GPC6: variants seen among roughly 807,000 people sequenced by gnomAD.
GPC6 encodes the protein glypican 6, also known as glypican-6.
Under a neutral mutation model 55.2 loss-of-function variants are expected in GPC6, and 14 were observed. That is an observed-to-expected ratio of 0.25 (90% CI 0.17 to 0.40). The LOEUF (loss-of-function observed/expected upper bound fraction) is 0.40, where lower values mean the gene tolerates loss of function less well. Ranked by LOEUF, GPC6 falls within the 10% of genes least tolerant of loss-of-function variation. The probability of loss-of-function intolerance (pLI) is 1.00; values close to 1 mark genes in which losing one functional copy is unlikely to be tolerated. For synonymous variants in GPC6, 278 were observed against 259.6 expected, an observed-to-expected ratio of 1.07 and a Z score of -0.68; for missense variants, 641 against 708.5, an observed-to-expected ratio of 0.90 and a Z score of 1.08.
chr13:93,346,013 T>C (rs559989656), intron 1 of GPC6, among the ~76,000 whole-genome samples: 14 of 152,294 alleles, frequency 9.2e-5, no homozygotes, highest in African/African-American at 3.4e-4. Flanking sequence ...GTAGTTAATC[T>C]CTTTATTGAA....
chr13:93,983,784 T>TA (rs35261105), intron 3 of GPC6, among the ~76,000 whole-genome samples: 96,293 of 144,720 alleles, frequency 0.67, 31,900 homozygotes, highest in Non-Finnish European at 0.69. Flanking sequence ...ATATTTTTGT[T>TA]AAAAAAAAAA....
At chr13:93,265,770 A>G (rs1438135704) in intron 1 of GPC6, among the ~76,000 whole-genome samples, 1 of 151,558 alleles carries the variant, frequency 6.6e-6, no homozygotes, top group African/African-American at 2.4e-5. Context: ...TTACATTTTT[A>G]GGCATTTTTC....
chr13:93,815,940 T>G (rs1886834538), intron 2 of GPC6, among the ~76,000 whole-genome samples: 1 of 152,084 alleles, frequency 6.6e-6, no homozygotes, highest in Admixed American at 6.5e-5. Context: ...AAGAACCAAG[T>G]GTATGGTAAG....
At chr13:93,397,503 T>C (rs528283184) in intron 1 of GPC6, among the ~76,000 whole-genome samples, 2 of 152,356 alleles carry the variant, frequency 1.3e-5, no homozygotes, top group Admixed American at 6.5e-5. Flanking sequence ...CAGGGTTGTT[T>C]ACTTTTAAGG....
chr13:94,312,716 G>GCA (rs1227227600), intron 6 of GPC6, among the ~76,000 whole-genome samples: 1 of 112,102 alleles, frequency 8.9e-6, no homozygotes, highest in East Asian at 2.4e-4. Context: ...ACGCACACGC[G>GCA]CACGCACACA....
chr13:93,549,625 C>G (rs989743904), intron 2 of GPC6, among the ~76,000 whole-genome samples: 28 of 152,280 alleles, frequency 1.8e-4, no homozygotes, highest in African/African-American at 6.7e-4. Context: ...CCAGTGCTTT[C>G]CAGTTCCCAG....
intron 2 of GPC6, among the ~76,000 whole-genome samples, chr13:93,670,779 A>T (rs1006563467): frequency 1.3e-5 from 2 of 152,214 alleles, no homozygotes; most frequent in Non-Finnish European, 2.9e-5. Flanking sequence ...GGTCACCTTT[A>T]AAAGGACTAA....
At chr13:93,345,645 C>T (rs1287552590) in intron 1 of GPC6, among the ~76,000 whole-genome samples, 1 of 152,142 alleles carries the variant, frequency 6.6e-6, no homozygotes, top group Admixed American at 6.6e-5. Context: ...TACACCCACA[C>T]AAAAATAAAA....
At chr13:93,458,274 T>C (rs764343243) in intron 1 of GPC6, among the ~76,000 whole-genome samples, 3 of 152,160 alleles carry the variant, frequency 2.0e-5, no homozygotes, top group Admixed American at 1.3e-4. Flanking sequence ...AGAGGAAATA[T>C]CTTATTTAAC....
At chr13:93,537,759 C>A (rs1419476618) in intron 1 of GPC6, among the ~76,000 whole-genome samples, 1 of 152,118 alleles carries the variant, frequency 6.6e-6, no homozygotes, top group Non-Finnish European at 1.5e-5. Context: ...CATTTCCATT[C>A]TTACAGATGA....
At chr13:93,923,593 A>G (rs371839487) in intron 3 of GPC6, among the ~76,000 whole-genome samples, 1 of 152,220 alleles carries the variant, frequency 6.6e-6, no homozygotes, top group African/African-American at 2.4e-5. Context: ...CTAGCAGACA[A>G]ATTTCCAGAA....
At chr13:94,213,080 C>T (rs1451009768) in intron 4 of GPC6, among the ~76,000 whole-genome samples, 1 of 152,088 alleles carries the variant, frequency 6.6e-6, no homozygotes, top group Non-Finnish European at 1.5e-5. Flanking sequence ...CACTTGAACC[C>T]GGGAGGCAGA....
At chr13:93,573,513 G>T (rs1876510886) in intron 2 of GPC6, among the ~76,000 whole-genome samples, 1 of 151,970 alleles carries the variant, frequency 6.6e-6, no homozygotes, top group Non-Finnish European at 1.5e-5. Flanking sequence ...TAATGGAAAT[G>T]GGGCTTTTAT....
At chr13:94,238,323 C>CCTATAGCTAGAAGAGATATATCTT (rs1890943125) in intron 4 of GPC6, among the ~76,000 whole-genome samples, 1 of 152,038 alleles carries the variant, frequency 6.6e-6, no homozygotes, top group Non-Finnish European at 1.5e-5. Flanking sequence ...CCTCAGAGAG[C>CCTATAGCTAGAAGAGATATATCTT]CTATAGCTAG....
chr13:94,382,323 G>A (rs1395728520), intron 6 of GPC6, 91 bp from the exon 7 acceptor site: 1 of 1,344,562 alleles, frequency 7.4e-7, no homozygotes, highest in Non-Finnish European at 1.1e-6. Context: ...CATATCACAG[G>A]TTCTATAACC....
intron 4 of GPC6, among the ~76,000 whole-genome samples, chr13:94,206,551 T>A (rs1889907400): frequency 6.6e-6 from 1 of 152,146 alleles, no homozygotes; most frequent in Non-Finnish European, 1.5e-5. Flanking sequence ...GGCTAGCTAA[T>A]TCCTAAAAAT....
At chr13:93,702,696 A>C (rs892959055) in intron 2 of GPC6, among the ~76,000 whole-genome samples, 2 of 152,020 alleles carry the variant, frequency 1.3e-5, no homozygotes, top group African/African-American at 4.8e-5. Flanking sequence ...CAGCTCCTCC[A>C]TGACCACTTG....
At chr13:93,449,444 G>A (rs913989318) in intron 1 of GPC6, among the ~76,000 whole-genome samples, 1 of 152,274 alleles carries the variant, frequency 6.6e-6, no homozygotes, top group Admixed American at 6.5e-5. Context: ...ATTGTTGGCT[G>A]GGTTAGTCTC....
intron 3 of GPC6, among the ~76,000 whole-genome samples, chr13:93,896,805 C>G (rs1876038701): frequency 6.6e-6 from 1 of 151,886 alleles, no homozygotes; most frequent in South Asian, 2.1e-4. Context: ...TTTAAATCAA[C>G]AGAAAAACTG....
Sources: gnomAD v4.1 joint callset for allele counts (sites outside exome capture counted in the v4.1 genomes callset) on GRCh38, gnomAD v4.1.1 for gene constraint, MANE v1.5 for transcripts, NCBI Gene and HGNC (gene_info 2026-07-23, HGNC 2026-07-21) for gene names.